Variants in SSH2 observed in about 807,000 individuals in gnomAD.
SSH2 encodes the protein protein phosphatase Slingshot homolog 2.
In SSH2, 37 loss-of-function variants were observed where a neutral mutation model predicts 135.2. The ratio of observed to expected loss-of-function variants is 0.27; its 90% confidence interval spans 0.21 to 0.36. SSH2 has a LOEUF of 0.36. SSH2 is among the 10% of genes least tolerant of loss of function. The pLI is 1.00. For missense variants in SSH2, 1,408 were observed against 1,765.3 expected, an observed-to-expected ratio of 0.80 and a Z score of 3.63; for synonymous variants, 628 against 646.2, an observed-to-expected ratio of 0.97 and a Z score of 0.43.
intron 3 of SSH2, among the ~76,000 whole-genome samples, chr17:29,741,760 C>T (rs776676127): frequency 4.6e-5 from 7 of 151,392 alleles, no homozygotes; most frequent in Non-Finnish European, 1.0e-4. Flanking sequence ...GTTTTGCAGG[C>T]GTCTGCCACC....
chr17:29,783,854 C>G (rs538359454), intron 3 of SSH2, among the ~76,000 whole-genome samples: 1 of 147,432 alleles, frequency 6.8e-6, no homozygotes, highest in Admixed American at 6.8e-5. Context: ...ATCACGAGGT[C>G]AGGAGATCGA....
chr17:29,629,503 C>T lies in SSH2; in HGVS notation c.*1338G>A, dbSNP rs1207419558. 1.3e-5 allele frequency: 2 copies of T among 152,676 alleles called. No homozygotes were observed. Among genetic ancestry groups the T allele is most frequent in the African/African-American group, 4.8e-5 (2 of 41,460 alleles). The allele number at this position is 152,676 out of a possible 1,614,324, so 9.5% of individuals were successfully genotyped here. ...AAGTCTCCATTTAAACAACTACAGC[C>T]ACCATCAACATATTGTACAGATTCC... is the stretch of plus-strand genomic sequence containing the variant. On this transcript the variant is annotated 3_prime_UTR_variant, in exon 16 of 16. Coordinates refer to ENST00000540801, the MANE Select transcript of SSH2 (RefSeq NM_001282129.2).
chr17:29,873,667 C>G (rs540433090), intron 1 of SSH2, among the ~76,000 whole-genome samples: 69 of 152,116 alleles, frequency 4.5e-4, no homozygotes, highest in Non-Finnish European at 7.8e-4. Context: ...GCATTATCAC[C>G]TACCAAGGCA....
At chr17:29,669,221 C>G (rs940911997) in intron 9 of SSH2, among the ~76,000 whole-genome samples, 1 of 151,916 alleles carries the variant, frequency 6.6e-6, no homozygotes, top group Non-Finnish European at 1.5e-5. Context: ...TGCACTCCAG[C>G]CTGGGCCGAC....
intron 3 of SSH2, among the ~76,000 whole-genome samples, chr17:29,726,916 C>T (rs904167336): frequency 1.3e-5 from 2 of 152,206 alleles, no homozygotes; most frequent in African/African-American, 4.8e-5. Context: ...ACTTGTGAAT[C>T]CTCAGATTTG....
In SSH2 at chr17:29,648,230, G is replaced by C. The variant is rs772452557; in HGVS notation, c.1341C>G (p.Asp447Glu). ...TTACCGTTCGTCTTTCTTTCACATAGTCATAGGCTCGGTCCAGATTCCAGC... is the reference window on the plus strand; with the variant it reads ...TTACCGTTCGTCTTTCTTTCACATACTCATAGGCTCGGTCCAGATTCCAGC... ...EYGWNLDRAYDYVKERRTVTK... is the reference protein window; with the variant it reads ...EYGWNLDRAYEYVKERRTVTK... The change falls in exon 14 of 16, where the codon GAC becomes GAG. Residue 447 changes from aspartate (D) to glutamate (E), a missense_variant. This residue lies in a region of SSH2 where 106 missense variants were observed against 265.2 expected (regional missense o/e 0.40). Transcript: ENST00000540801. The C allele has an allele frequency of 3.1e-6, 5 of 1,614,040 alleles. No homozygotes were observed. In the East Asian group the frequency reaches 1.1e-4, roughly 36 times the overall value.
intron 3 of SSH2, among the ~76,000 whole-genome samples, chr17:29,733,196 C>G (rs1311007457): frequency 6.6e-6 from 1 of 152,106 alleles, no homozygotes; most frequent in East Asian, 1.9e-4. Flanking sequence ...CAAAAACAAG[C>G]AAACAAATAA....
At chr17:29,899,433 T>G (rs1223907517) in intron 1 of SSH2, among the ~76,000 whole-genome samples, 2 of 152,302 alleles carry the variant, frequency 1.3e-5, no homozygotes, top group East Asian at 3.9e-4. Context: ...CAGCAAAGTC[T>G]CAGGATACAA....
intron 1 of SSH2, among the ~76,000 whole-genome samples, chr17:29,859,876 C>T (rs564285652): frequency 3.7e-4 from 57 of 152,006 alleles, no homozygotes; most frequent in African/African-American, 1.2e-3. Flanking sequence ...GATGGAGTTT[C>T]GCTCTTGTTT....
intron 4 of SSH2, among the ~76,000 whole-genome samples, chr17:29,698,758 A>G (rs1416183088): frequency 1.3e-5 from 2 of 152,104 alleles, no homozygotes; most frequent in African/African-American, 4.8e-5. Flanking sequence ...CGGCCTCCCA[A>G]AATGCTGGGA....
At chr17:29,758,129 A>C (rs1299568573) in intron 3 of SSH2, among the ~76,000 whole-genome samples, 1 of 152,216 alleles carries the variant, frequency 6.6e-6, no homozygotes, top group East Asian at 1.9e-4. Context: ...TATTCCAAAA[A>C]TTCTTTAAAA....
chr17:29,662,627 T>G (rs1322711366), intron 11 of SSH2, among the ~76,000 whole-genome samples: 1 of 152,132 alleles, frequency 6.6e-6, no homozygotes, highest in East Asian at 1.9e-4. Flanking sequence ...GTAACCAATT[T>G]GAGGATTTTT....
intron 3 of SSH2, among the ~76,000 whole-genome samples, chr17:29,785,491 ATTTTTTT>A (rs34346245): frequency 1.7e-4 from 13 of 78,488 alleles, no homozygotes; most frequent in East Asian, 7.0e-4. Context: ...TTGGCGTTTC[ATTTTTTT>A]TTTTTTTTTT....
At chr17:29,829,893 G>A (rs1379014613) in intron 2 of SSH2, among the ~76,000 whole-genome samples, 1 of 148,248 alleles carries the variant, frequency 6.7e-6, no homozygotes, top group Admixed American at 6.8e-5. Flanking sequence ...AGGCTGGAGT[G>A]CAGTGGTGCA....
Position 29,916,035 on chromosome 17 carries a change from T to G in SSH2, c.63+13903A>C, listed in dbSNP as rs372456587. Among the ~76,000 whole-genome samples the G allele has an allele frequency of 1.5e-4, 20 of 136,112 alleles. No homozygotes were observed. In the East Asian group the frequency reaches 3.1e-3, roughly 21 times the overall value. 89.3% of individuals were successfully genotyped at this position (136,112 alleles called of 152,430 possible). ...TGATGTTCCCCTTTCTGTGTCCAAG[T>G]GTTCTCATGAAATAACAAAAATTTA... On this transcript the variant is annotated intron_variant, in intron 1 of 15. Transcript: ENST00000540801.
intron 5 of SSH2, among the ~76,000 whole-genome samples, chr17:29,687,647 T>C (rs569438479): frequency 6.6e-6 from 1 of 152,292 alleles, no homozygotes; most frequent in South Asian, 2.1e-4. Context: ...TAATCACAAA[T>C]CCTGGTGCAG....
At chr17:29,721,322 C>CACTG (rs1555620349) in intron 3 of SSH2, among the ~76,000 whole-genome samples, 3 of 151,680 alleles carry the variant, frequency 2.0e-5, no homozygotes, top group African/African-American at 7.3e-5. Context: ...ATAGAACGGA[C>CACTG]ATTGCAGTAT....
In SSH2 at chr17:29,877,768, CAAAA is replaced by C. The variant is rs200656149; in HGVS notation, c.64-28843_64-28840del. The stretch of plus-strand genomic sequence containing the variant: ...GGAGGTAGGGATGGTTAATGGGTAC[CAAAA>C]AAAAAAAAAATAGAATGAATAAGAC... On this transcript the variant is annotated intron_variant, in intron 1 of 15. Coordinates refer to ENST00000540801, the MANE Select transcript of SSH2 (RefSeq NM_001282129.2). Among the ~76,000 whole-genome samples the C allele has an allele frequency of 4.5e-4, 65 of 143,348 alleles. No homozygotes were observed. The East Asian group carries it at 6.2e-3, about 14-fold the overall frequency. The allele number at this position is 143,348 out of a possible 152,430, so 94.0% of individuals were successfully genotyped here. A position where few individuals can be genotyped will look rare whatever the true frequency, so the allele number is the denominator to read the frequency against.
chr17:29,718,536 G>A (rs539233214), intron 3 of SSH2, among the ~76,000 whole-genome samples: 5 of 151,912 alleles, frequency 3.3e-5, no homozygotes, highest in African/African-American at 4.8e-5. Flanking sequence ...CTACAGTCCC[G>A]TCCTGGCTAA....
Sources: allele counts gnomAD v4.1 joint callset (sites outside exome capture counted in the v4.1 genomes callset), GRCh38; gene constraint gnomAD v4.1.1; regional missense constraint gnomAD v4.1.1; transcripts MANE v1.5; gene names NCBI Gene and HGNC (gene_info 2026-07-23, HGNC 2026-07-21).